The following RASGRP3 variants were observed in gnomAD, a reference collection of about 807,000 sequenced individuals.
RASGRP3 encodes ras guanyl-releasing protein 3.
In RASGRP3, 54 loss-of-function variants were observed where a neutral mutation model predicts 82.7. That is an observed-to-expected ratio of 0.65 (90% CI 0.52 to 0.82). The LOEUF is 0.82. Ranked by LOEUF, RASGRP3 falls within the 40% of genes least tolerant of loss-of-function variation. The pLI is 0.00. For synonymous variants in RASGRP3, 309 were observed against 300.5 expected, an observed-to-expected ratio of 1.03 and a Z score of -0.29; for missense variants, 861 against 828.9, an observed-to-expected ratio of 1.04 and a Z score of -0.48.
chr2:33,470,835 A>G (rs545147568), intron 2 of RASGRP3, among the ~76,000 whole-genome samples: 1 of 152,106 alleles, frequency 6.6e-6, no homozygotes, highest in Non-Finnish European at 1.5e-5. Flanking sequence ...AATTATTTAG[A>G]AGCAAATTTT....
rs192801375 is a variant in RASGRP3, at chr2:33,456,092, T to C, written c.-261+8149T>C. 1.4e-4 allele frequency among the ~76,000 whole-genome samples: 22 copies of C among 152,318 alleles called. 1 individual carries two copies. In the East Asian group the frequency reaches 2.7e-3, roughly 19 times the overall value. On this transcript the variant is annotated intron_variant, in intron 2 of 18. Transcript: ENST00000402538. ...CTCTTCCCACCAAAGTTACTTTCCT[T>C]TGTTATTTTTGGTATAAAGAATTTT... is the stretch of plus-strand genomic sequence containing the variant.
chr2:33,466,694 G>T lies in RASGRP3; in HGVS notation c.-261+18751G>T, dbSNP rs114856625. Among the ~76,000 whole-genome samples, 747 of 138,988 alleles carry T rather than the reference G, an allele frequency of 5.4e-3. 7 individuals are homozygous for T. The highest frequency in any genetic ancestry group is 0.017 in the African/African-American group (623 of 36,982). The allele number at this position is 138,988 out of a possible 152,430, so 91.2% of individuals were successfully genotyped here. A position where few individuals can be genotyped will look rare whatever the true frequency, so the allele number is the denominator to read the frequency against. ...AACTCTGTATCAAAAAAAAAAAAAA[G>T]ATTTCAGCGGAGGAGGTAACTGCAG... On this transcript the variant is annotated intron_variant, in intron 2 of 18. Coordinates refer to the RASGRP3 transcript ENST00000402538.
At chr2:33,547,314 T>A (rs1389912467) in intron 13 of RASGRP3, among the ~76,000 whole-genome samples, 8 of 139,842 alleles carry the variant, frequency 5.7e-5, no homozygotes, top group Non-Finnish European at 4.5e-5. Flanking sequence ...TGTGCCAAAT[T>A]TCCCCGCAAG....
At chr2:33,468,732 A>G (rs747201264) in intron 2 of RASGRP3, among the ~76,000 whole-genome samples, 14 of 152,134 alleles carry the variant, frequency 9.2e-5, no homozygotes, top group South Asian at 2.1e-4. Flanking sequence ...GCATAGTGCC[A>G]TATCTTATGA....
At chr2:33,552,193 T>C (rs1675440508) in intron 14 of RASGRP3, among the ~76,000 whole-genome samples, 1 of 152,188 alleles carries the variant, frequency 6.6e-6, no homozygotes, top group Non-Finnish European at 1.5e-5. Flanking sequence ...ACATTCTTGA[T>C]GCAGCTGTGA....
At chr2:33,523,319 G>T (rs115145032) in intron 7 of RASGRP3, among the ~76,000 whole-genome samples, 2,366 of 152,116 alleles carry the variant, frequency 0.016, 71 homozygotes, top group African/African-American at 0.055. Flanking sequence ...AAAAAATTTA[G>T]CCAGGTGTGG....
chr2:33,444,336 A>T (rs1665390819), intron 1 of RASGRP3, among the ~76,000 whole-genome samples: 2 of 152,226 alleles, frequency 1.3e-5, no homozygotes, highest in African/African-American at 4.8e-5. Flanking sequence ...AGTTGATTTA[A>T]CCAAATATAT....
intron 13 of RASGRP3, among the ~76,000 whole-genome samples, chr2:33,546,930 G>A (rs1008634964): frequency 1.3e-5 from 2 of 151,746 alleles, no homozygotes; most frequent in African/African-American, 4.8e-5. Context: ...AGCCGGGCGT[G>A]GTGACACATG....
intron 17 of RASGRP3, 29 bp downstream of exon 17, chr2:33,559,059 A>G: frequency 6.5e-7 from 1 of 1,528,974 alleles, no homozygotes; most frequent in Non-Finnish European, 8.8e-7. Flanking sequence ...CACAAAGAAA[A>G]CCAGAAGAAG....
intron 14 of RASGRP3, among the ~76,000 whole-genome samples, chr2:33,554,742 G>A (rs541840075): frequency 1.3e-5 from 2 of 152,094 alleles, no homozygotes; most frequent in Non-Finnish European, 2.9e-5. Context: ...AAAAGTGCTG[G>A]GATTACAGGT....
intron 1 of RASGRP3, among the ~76,000 whole-genome samples, chr2:33,480,156 C>T (rs188545768): frequency 2.2e-4 from 33 of 151,148 alleles, no homozygotes; most frequent in African/African-American, 7.5e-4. Context: ...CATTCTCCTG[C>T]CTCAGCCTCC....
chr2:33,480,129 G>GC (rs1452647252), intron 1 of RASGRP3, among the ~76,000 whole-genome samples: 5 of 139,510 alleles, frequency 3.6e-5, no homozygotes, highest in African/African-American at 5.4e-5. Flanking sequence ...TGCAAGCTCC[G>GC]CCTCCAGGAT....
At chr2:33,470,316 A>G (rs547792270) in intron 2 of RASGRP3, among the ~76,000 whole-genome samples, 86 of 152,048 alleles carry the variant, frequency 5.7e-4, no homozygotes, top group Admixed American at 9.8e-4. Flanking sequence ...TAGGTTATTC[A>G]CTTTTTTTAT....
chr2:33,555,160 G>T, intron 14 of RASGRP3: 1 of 175,374 alleles, frequency 5.7e-6, no homozygotes, highest in East Asian at 1.4e-4. Context: ...TTCCTGTAGT[G>T]GGCGCTAAGA....
At chr2:33,534,786 G>A (rs925763247) in intron 11 of RASGRP3, among the ~76,000 whole-genome samples, 9 of 147,712 alleles carry the variant, frequency 6.1e-5, no homozygotes, top group Non-Finnish European at 1.0e-4. Flanking sequence ...TTCATGATCC[G>A]CTTGCCGTGG....
At chr2:33,504,068 A>G (rs994178866) in intron 1 of RASGRP3, among the ~76,000 whole-genome samples, 1 of 152,112 alleles carries the variant, frequency 6.6e-6, no homozygotes, top group Non-Finnish European at 1.5e-5. Context: ...TTGTTGTCTC[A>G]TGTGTATTCC....
chr2:33,519,532 G>A (rs573733353), intron 4 of RASGRP3, among the ~76,000 whole-genome samples: 3 of 152,218 alleles, frequency 2.0e-5, no homozygotes, highest in African/African-American at 4.8e-5. Context: ...GTGTGAACCC[G>A]GGAGGCAGAG....
chr2:33,515,250 C>T (rs1180549035), intron 3 of RASGRP3, 44 bp downstream of exon 3: 3 of 1,595,786 alleles, frequency 1.9e-6, no homozygotes, highest in Non-Finnish European at 2.6e-6. Context: ...TCTCTCGATG[C>T]TCTCACTTTC....
chr2:33,557,933 CTATT>C (rs936359431), intron 15 of RASGRP3, among the ~76,000 whole-genome samples: 6 of 152,098 alleles, frequency 3.9e-5, no homozygotes, highest in African/African-American at 1.4e-4. Flanking sequence ...AGGCTGGACT[CTATT>C]TACTCCCTAG....
Sources: gnomAD v4.1 joint callset for allele counts (sites outside exome capture counted in the v4.1 genomes callset) on GRCh38, gnomAD v4.1.1 for gene constraint, MANE v1.5 for transcripts, NCBI Gene and HGNC (gene_info 2026-07-23, HGNC 2026-07-21) for gene names.